The following SNX29 variants were observed in gnomAD, a reference collection of about 807,000 sequenced individuals.
SNX29 encodes sorting nexin 29, also known as sorting nexin-29.
SNX29 carries 78 observed loss-of-function variants against 102.1 expected under a neutral mutation model. The ratio of observed to expected loss-of-function variants is 0.76; its 90% CI spans 0.64 to 0.92. SNX29 has a LOEUF of 0.92. Ranked by LOEUF, SNX29 falls within the 40% of genes least tolerant of loss-of-function variation. The pLI is 0.00. For synonymous variants in SNX29, 580 were observed against 414.5 expected (o/e 1.40, Z -4.85); for missense variants, 1,280 against 1,061.7 (o/e 1.21, Z -2.86).
chr16:12,306,679 G>T (rs1215139443), intron 15 of SNX29, among the ~76,000 whole-genome samples: 1 of 152,226 alleles, frequency 6.6e-6, no homozygotes, highest in East Asian at 1.9e-4. Context: ...GCTGATGGCA[G>T]CACTCCTGCT....
intron 11 of SNX29, among the ~76,000 whole-genome samples, chr16:12,102,321 A>G (rs1400247731): frequency 2.0e-5 from 3 of 152,246 alleles, no homozygotes; most frequent in Non-Finnish European, 2.9e-5. Context: ...TTCTGGTTCT[A>G]GATCCTTGAG....
At chr16:12,549,042 A>C (rs911330481) in intron 20 of SNX29, among the ~76,000 whole-genome samples, 1 of 152,234 alleles carries the variant, frequency 6.6e-6, no homozygotes, top group Non-Finnish European at 1.5e-5. Flanking sequence ...ATCTTAGGTG[A>C]GTCCACTCTT....
intron 15 of SNX29, among the ~76,000 whole-genome samples, chr16:12,300,007 A>C (rs1487322223): frequency 1.3e-5 from 2 of 152,074 alleles, no homozygotes; most frequent in Non-Finnish European, 2.9e-5. Flanking sequence ...AGTAGCTGGG[A>C]CCACAGGTGC....
chr16:12,500,935 A>T (rs577570722), intron 19 of SNX29, among the ~76,000 whole-genome samples: 1 of 152,178 alleles, frequency 6.6e-6, no homozygotes, highest in Non-Finnish European at 1.5e-5. Flanking sequence ...CTCACTTGTC[A>T]GATTGTCAGG....
At chr16:12,207,195 C>A (rs892031485) in intron 14 of SNX29, among the ~76,000 whole-genome samples, 6 of 151,850 alleles carry the variant, frequency 4.0e-5, no homozygotes, top group Admixed American at 1.3e-4. Flanking sequence ...ATGGTGAAAC[C>A]CCATCTCTAC....
At position 12,570,940 on chromosome 16, in the gene SNX29, C is replaced by A; in HGVS notation, c.*2311C>A. 1 of 231,866 alleles carries A rather than the reference C, an allele frequency of 4.3e-6. No homozygotes were observed. The highest frequency in any genetic ancestry group is 8.5e-6 in the Non-Finnish European group (1 of 117,216). The allele number at this position is 231,866 out of a possible 1,614,324, so 14.4% of individuals were successfully genotyped here. A position where few individuals can be genotyped will look rare whatever the true frequency, so the allele number is the denominator to read the frequency against. On this transcript the variant is annotated 3_prime_UTR_variant, in exon 21 of 21. Coordinates refer to ENST00000566228, the MANE Select transcript of SNX29 (RefSeq NM_032167.5). ...AAAATGAGAGCATGTTCCTGGGAGC[C>A]ACATGGGGACCATCCCCAGCTGCCT...
intron 11 of SNX29, among the ~76,000 whole-genome samples, chr16:12,118,458 T>A (rs1156926082): frequency 1.3e-5 from 2 of 151,656 alleles, no homozygotes; most frequent in African/African-American, 4.8e-5. Flanking sequence ...TAGCTGGGAT[T>A]ACAGGTGCCT....
intron 4 of SNX29, among the ~76,000 whole-genome samples, chr16:12,034,018 C>G (rs1050349540): frequency 4.6e-5 from 7 of 152,094 alleles, no homozygotes; most frequent in African/African-American, 1.7e-4. Flanking sequence ...CCCAGGAAGC[C>G]AAACCCCTAC....
rs144545981 is a variant in SNX29 at position 12,436,853 on chromosome 16, A to G, written c.2037+33324A>G. ...ATTTTAGTAGAGATGGGGTTTTGCC[A>G]TAGTGGCTAGGCTGGTTTCGAACTA... On this transcript the variant is annotated intron_variant, in intron 18 of 20. Coordinates refer to ENST00000566228, the MANE Select transcript of SNX29 (RefSeq NM_032167.5). Among the ~76,000 whole-genome samples, 305 of 152,288 alleles carry G rather than the reference A, an allele frequency of 2.0e-3. No homozygotes were observed. In the Middle Eastern group the frequency reaches 0.041, roughly 20 times the overall value.
intron 16 of SNX29, among the ~76,000 whole-genome samples, chr16:12,383,127 T>C (rs2083231633): frequency 6.6e-6 from 1 of 152,216 alleles, no homozygotes; most frequent in South Asian, 2.1e-4. Flanking sequence ...CCTTTAGACA[T>C]TAAGTTAAGC....
At chr16:12,412,563 C>G (rs2084445862) in intron 18 of SNX29, among the ~76,000 whole-genome samples, 1 of 152,202 alleles carries the variant, frequency 6.6e-6, no homozygotes, top group South Asian at 2.1e-4. Context: ...GGGAATGTGA[C>G]AAGTCTGTTA....
chr16:12,073,796 G>C (rs928632390), intron 10 of SNX29, among the ~76,000 whole-genome samples: 1 of 151,840 alleles, frequency 6.6e-6, no homozygotes, highest in Admixed American at 6.6e-5. Context: ...TTATTGTGTG[G>C]GAGTCTAAGT....
intron 18 of SNX29, among the ~76,000 whole-genome samples, chr16:12,418,138 A>G (rs979312160): frequency 6.6e-6 from 1 of 152,220 alleles, no homozygotes; most frequent in Non-Finnish European, 1.5e-5. Flanking sequence ...GTATTCACCC[A>G]GAACTTTTAA....
intron 19 of SNX29, among the ~76,000 whole-genome samples, chr16:12,522,057 C>T (rs759155942): frequency 2.0e-5 from 3 of 150,688 alleles, no homozygotes; most frequent in Non-Finnish European, 3.0e-5. Flanking sequence ...GGAGTGGCCC[C>T]GAGGGGCCCC....
intron 11 of SNX29, among the ~76,000 whole-genome samples, chr16:12,085,858 AG>A (rs2052147314): frequency 6.6e-6 from 1 of 152,184 alleles, no homozygotes; most frequent in Non-Finnish European, 1.5e-5. Flanking sequence ...GAGGCTTAGG[AG>A]GGTAAGTACC....
intron 20 of SNX29, among the ~76,000 whole-genome samples, chr16:12,540,518 C>T (rs182370629): frequency 1.2e-4 from 19 of 152,328 alleles, no homozygotes; most frequent in South Asian, 2.1e-4. Flanking sequence ...GGTTGTGGGG[C>T]AGAATTTGTT....
chr16:12,229,349 C>T (rs995035807), intron 14 of SNX29, among the ~76,000 whole-genome samples: 2 of 152,204 alleles, frequency 1.3e-5, no homozygotes, highest in African/African-American at 4.8e-5. Context: ...CAGGCCAGTC[C>T]TAGGATTTTA....
chr16:11,977,865 G>A (rs1309969746), intron 1 of SNX29: 1 of 152,180 alleles, frequency 6.6e-6, no homozygotes, highest in East Asian at 1.9e-4. Flanking sequence ...AGCCACTCTG[G>A]GATCTGGATT....
intron 13 of SNX29, among the ~76,000 whole-genome samples, chr16:12,179,959 C>T (rs1047229651): frequency 2.0e-5 from 3 of 152,120 alleles, no homozygotes; most frequent in East Asian, 1.9e-4. Context: ...TTAGTCATTC[C>T]GTCAGTATTT....
Sources: allele counts gnomAD v4.1 joint callset (sites outside exome capture counted in the v4.1 genomes callset), GRCh38; gene constraint gnomAD v4.1.1; transcripts MANE v1.5; gene names NCBI Gene and HGNC (gene_info 2026-07-23, HGNC 2026-07-21).